The following VWCE variants were observed in gnomAD, a reference collection of about 807,000 sequenced individuals.
The protein encoded by VWCE is von Willebrand factor C and EGF domain-containing protein.
A neutral mutation model predicts 102.9 loss-of-function variants in VWCE; 68 were observed. The ratio of observed to expected loss-of-function variants is 0.66; its 90% confidence interval spans 0.54 to 0.81. VWCE has a LOEUF of 0.81. Ranked by LOEUF, VWCE falls within the 30% of genes least tolerant of loss-of-function variation. The pLI is 0.00. For synonymous variants in VWCE, 497 were observed against 515.4 expected (o/e 0.96, Z 0.48); for missense variants, 1,137 against 1,263.6 (o/e 0.90, Z 1.52).
chr11:61,268,599 TC>T lies in VWCE; in HGVS notation c.1882+322del, dbSNP rs1854580317. 2.0e-5 allele frequency among the ~76,000 whole-genome samples: 3 copies of T among 152,230 alleles called. No homozygotes were observed. In the South Asian group the frequency reaches 6.2e-4, roughly 32 times the overall value. The stretch of plus-strand genomic sequence containing the variant: ...CTATAATAAAACATTACTTCTGAAA[TC>T]ATGGAAAAGGTAAAAATGACTATTA... On this transcript the variant is annotated intron_variant, in intron 15 of 19. Coordinates refer to ENST00000335613, the MANE Select transcript of VWCE (RefSeq NM_152718.2).
At chr11:61,288,628 C>T (rs1333708645) in intron 4 of VWCE, among the ~76,000 whole-genome samples, 4 of 152,114 alleles carry the variant, frequency 2.6e-5, no homozygotes, top group Non-Finnish European at 4.4e-5. Context: ...TCCTTGGTTC[C>T]GTTTGCCTCT....
chr11:61,291,935 C>G (rs981548004), intron 1 of VWCE, among the ~76,000 whole-genome samples: 5 of 152,194 alleles, frequency 3.3e-5, no homozygotes, highest in African/African-American at 1.2e-4. Flanking sequence ...AAGAAAGGTT[C>G]TTATGGCTGG....
rs117868132 is a variant in VWCE at position 61,276,707 on chromosome 11, G to A, written c.1408-27C>T. The A allele has an allele frequency of 1.0e-3, 1,607 of 1,562,198 alleles. 8 individuals are homozygous for A. Among genetic ancestry groups the A allele is most frequent in the East Asian group, 6.1e-3 (265 of 43,366 alleles). On this transcript the variant is annotated intron_variant, in intron 10 of 19. Coordinates refer to ENST00000335613, the MANE Select transcript of VWCE (RefSeq NM_152718.2). ...TGAGGAGGAGGCAAGAGAGGGCACT[G>A]GGGGTGCGGGTGTGGAACAGGGTTC... is the stretch of plus-strand genomic sequence containing the variant.
At chr11:61,293,957 C>T (rs528264942) in intron 1 of VWCE, among the ~76,000 whole-genome samples, 55 of 152,270 alleles carry the variant, frequency 3.6e-4, no homozygotes, top group Admixed American at 3.2e-3. Context: ...GTGATTATGG[C>T]AGCAGCCTGA....
chr11:61,271,269 C>T (rs1015430034), intron 14 of VWCE: 1 of 189,392 alleles, frequency 5.3e-6, no homozygotes, highest in Admixed American at 5.4e-5. Flanking sequence ...CCTCAGCCTC[C>T]CAAGTAGCTG....
rs139585845 is a variant in VWCE at position 61,284,817 on chromosome 11, G to A, written c.541+1497C>T. Among the ~76,000 whole-genome samples the A allele has an allele frequency of 2.7e-3, 417 of 152,048 alleles. 1 individual carries two copies. Among genetic ancestry groups the A allele is most frequent in the African/African-American group, 9.5e-3 (392 of 41,466 alleles). On this transcript the variant is annotated intron_variant, in intron 5 of 19. Coordinates refer to ENST00000335613, the MANE Select transcript of VWCE (RefSeq NM_152718.2). ...ACAAAAATTAGCCAGTCGTGGTGGC[G>A]CACACCTGTAACCCTAGCTACTTGG...
Position 61,295,088 on chromosome 11 carries a change from C to T in VWCE, c.-51G>A, listed in dbSNP as rs923042272. On this transcript the variant is annotated 5_prime_UTR_variant, in exon 1 of 20. Coordinates refer to ENST00000335613, the MANE Select transcript of VWCE (RefSeq NM_152718.2). The surrounding 1 kb of genome is among the most constrained non-coding windows in gnomAD (Gnocchi z 4.6). Reference sequence around the variant, plus strand: ...CTGGGCTCGGCTCCTGCGCCGCGCGCGGGAGAGGGGGCTGCCGGCCCTCGC... The same window carrying T: ...CTGGGCTCGGCTCCTGCGCCGCGCGTGGGAGAGGGGGCTGCCGGCCCTCGC... 1.7e-5 allele frequency: 20 copies of T among 1,199,256 alleles called. No homozygotes were observed. The highest frequency in any genetic ancestry group is 1.9e-5 in the Non-Finnish European group (18 of 940,528). 74.3% of individuals were successfully genotyped at this position (1,199,256 alleles called of 1,614,324 possible).
chr11:61,271,583 G>T, intron 14 of VWCE, 92 bp downstream of exon 14: 1 of 1,293,832 alleles, frequency 7.7e-7, no homozygotes, highest in Non-Finnish European at 1.1e-6. Context: ...CCAGCCTGAG[G>T]CCAGCCTCTG....
intron 13 of VWCE, 51 bp from the exon 14 acceptor site, chr11:61,271,811 C>T (rs1590626606): frequency 5.2e-6 from 8 of 1,549,940 alleles, no homozygotes; most frequent in East Asian, 2.3e-5. Flanking sequence ...TAGACTACAA[C>T]AGCAGCAAGG....
At chr11:61,291,621 G>A (rs1308195385) in intron 1 of VWCE, 45 bp from the exon 2 acceptor site, 1 of 1,367,214 alleles carries the variant, frequency 7.3e-7, no homozygotes, top group Non-Finnish European at 9.5e-7. Context: ...TACTGGGGGA[G>A]ACATTGGTCA....
At chr11:61,260,845 G>A (rs1854334515) in intron 19 of VWCE, among the ~76,000 whole-genome samples, 2 of 152,082 alleles carry the variant, frequency 1.3e-5, no homozygotes. Flanking sequence ...AAATCATTAA[G>A]ATAAACCACC....
At chr11:61,289,548 C>CA (rs1178276160) in intron 4 of VWCE, among the ~76,000 whole-genome samples, 10 of 149,366 alleles carry the variant, frequency 6.7e-5, no homozygotes, top group African/African-American at 2.0e-4. Flanking sequence ...CCAAGCCTAG[C>CA]GAAAAAAAAA....
intron 12 of VWCE, chr11:61,273,718 T>C (rs1165205014): frequency 5.6e-6 from 1 of 177,498 alleles, no homozygotes; most frequent in Non-Finnish European, 1.2e-5. Flanking sequence ...CCAGGTCCTG[T>C]CTCCGAAGTA....
At chr11:61,269,123 C>A in intron 14 of VWCE, 105 bp from the exon 15 acceptor site, 1 of 1,068,098 alleles carries the variant, frequency 9.4e-7, no homozygotes, top group Non-Finnish European at 1.4e-6. Flanking sequence ...AAGGCTTGCC[C>A]TGAAAGGCAA....
intron 15 of VWCE, among the ~76,000 whole-genome samples, chr11:61,268,135 T>C (rs1854567058): frequency 6.6e-6 from 1 of 150,950 alleles, no homozygotes; most frequent in Non-Finnish European, 1.5e-5. Context: ...ATATATAATG[T>C]ACATCTACTA....
Position 61,291,253 on chromosome 11 carries a change from TC to T in VWCE, c.295+10del. On this transcript the variant is annotated intron_variant, in intron 3 of 19. Transcript: ENST00000335613. ...ATCTGTTCCCATCAGCCCCTTCCCA[TC>T]CCCAGTTACCTGGGCAGGTGGCCCC... 6.4e-7 allele frequency: 1 copy of T among 1,564,080 alleles called. No homozygotes were observed. The highest frequency in any genetic ancestry group is 8.7e-7 in the Non-Finnish European group (1 of 1,154,202).
intron 11 of VWCE, among the ~76,000 whole-genome samples, chr11:61,275,020 A>G (rs2134782840): frequency 6.6e-6 from 1 of 152,314 alleles, no homozygotes; most frequent in South Asian, 2.1e-4. Flanking sequence ...GCACCTCTCT[A>G]CTACAGCCTG....
rs200138944 is a variant in VWCE, at chr11:61,269,008, G to A, written c.1796C>T (p.Ser599Leu). Residue 599 changes from serine (S) to leucine (L), a missense_variant, in exon 15 of 20, where the codon TCG (serine) becomes TTG (leucine). Transcript: ENST00000335613. ...ACAGTCTGTCCTCTTGCAGCTCACC[G>A]AGCCATCTGCCTGGAGGAAGGAGGA... ...CELCICQADG[S>L]VSCKRTDCVD... 1.2e-5 allele frequency: 20 copies of A among 1,614,036 alleles called. No individual in the cohort carries two copies. The Admixed American group carries it at 1.7e-4, about 13-fold the overall frequency.
In VWCE at chr11:61,281,162, C is replaced by A. The variant is rs762144750; in HGVS notation, c.861G>T (p.Leu287Phe). 6.2e-7 allele frequency: 1 copy of A among 1,613,674 alleles called. No homozygotes were observed. Among genetic ancestry groups the A allele is most frequent in the Non-Finnish European group, 8.5e-7 (1 of 1,180,008 alleles). ...PRQHPSKMLL[L>F]LPEAGRPALS... ...GGGCAGGCCGGCCGGCCTCAGGAAG[C>A]AACAGAAGCATCTTGGACGGGTGTT... Residue 287 changes from leucine (L) to phenylalanine (F), a missense_variant, in exon 8 of 20, where the codon TTG becomes TTT. Transcript: ENST00000335613.
Sources: gnomAD v4.1 joint callset for allele counts (sites outside exome capture counted in the v4.1 genomes callset) on GRCh38, gnomAD v4.1.1 for gene constraint, Gnocchi (gnomAD v3.1) non-coding constraint, MANE v1.5 for transcripts, NCBI Gene and HGNC (gene_info 2026-07-23, HGNC 2026-07-21) for gene names.